RYR2: variants seen among roughly 807,000 people sequenced by gnomAD.
RYR2 encodes the protein ryanodine receptor 2, also known as cardiac muscle ryanodine receptor-calcium release channel.
Under a neutral mutation model 601.1 loss-of-function variants are expected in RYR2, and 227 were observed. That is an observed-to-expected ratio of 0.38 (90% CI 0.34 to 0.42). RYR2 has a LOEUF of 0.42. Among genes scored for constraint, RYR2 ranks in the 10% least tolerant of loss-of-function variants. The pLI, the probability that RYR2 is intolerant of heterozygous loss-of-function variation, is 1.00. For missense variants in RYR2, 4,646 were observed against 6,156.5 expected (o/e 0.75, Z 8.21); for synonymous variants, 2,223 against 2,175.1 (o/e 1.02, Z -0.61).
chr1:237,485,442 T>C (rs890257581), intron 17 of RYR2, among the ~76,000 whole-genome samples: 2 of 152,108 alleles, frequency 1.3e-5, no homozygotes, highest in Non-Finnish European at 2.9e-5. Context: ...GGGATTGAAA[T>C]GAGAATTTTA....
chr1:237,353,678 T>A (rs931050274), intron 3 of RYR2, among the ~76,000 whole-genome samples: 1 of 152,078 alleles, frequency 6.6e-6, no homozygotes. Flanking sequence ...TTAAGGGAAA[T>A]TTTGTTTTTA....
chr1:237,615,132 G>C (rs1250326990), intron 37 of RYR2, among the ~76,000 whole-genome samples: 1 of 151,942 alleles, frequency 6.6e-6, no homozygotes, highest in Non-Finnish European at 1.5e-5. Flanking sequence ...TAGAATACTT[G>C]TTTACCAGTA....
rs535611214 is a variant in RYR2, at chr1:237,803,512, G to A, written c.14151+1596G>A. On this transcript the variant is annotated intron_variant, in intron 98 of 104. Transcript: ENST00000366574. ...AGACGGGGTTTCACCATGTTAGCCA[G>A]GATGGTCTCGATCTCCTGACCTCGT... is the stretch of plus-strand genomic sequence containing the variant. Among the ~76,000 whole-genome samples, 38 of 152,182 alleles carry A rather than the reference G, an allele frequency of 2.5e-4. No individual in the cohort carries two copies. The East Asian group carries it at 4.5e-3, about 18-fold the overall frequency.
Position 237,779,517 on chromosome 1 carries a change from G to C in RYR2, c.11880+747G>C, listed in dbSNP as rs140183281. Among the ~76,000 whole-genome samples the C allele has an allele frequency of 5.3e-5, 8 of 152,326 alleles. No individual in the cohort carries two copies. In the East Asian group the frequency reaches 7.7e-4, roughly 15 times the overall value. On this transcript the variant is annotated intron_variant, in intron 88 of 104. Transcript: ENST00000366574. ...ATGTCAGATTAAAAGACAGAATGCT[G>C]TCATTCTAATTCCTGAGCTGCCATG... is the stretch of plus-strand genomic sequence containing the variant.
intron 65 of RYR2, among the ~76,000 whole-genome samples, chr1:237,700,770 G>GT (rs1182217502): frequency 6.6e-6 from 1 of 152,040 alleles, no homozygotes; most frequent in Non-Finnish European, 1.5e-5. Context: ...TCACATAAAC[G>GT]TTTTAATGCA....
intron 29 of RYR2, among the ~76,000 whole-genome samples, chr1:237,579,043 A>G (rs894155126): frequency 6.6e-6 from 1 of 152,146 alleles, no homozygotes; most frequent in Non-Finnish European, 1.5e-5. Flanking sequence ...AACAAAACAC[A>G]ACTAAGAAGG....
At chr1:237,406,101 A>T (rs924965143) in intron 10 of RYR2, among the ~76,000 whole-genome samples, 1 of 149,052 alleles carries the variant, frequency 6.7e-6, no homozygotes, top group African/African-American at 2.5e-5. Context: ...TCCCTCATGA[A>T]AACTTTGCAG....
rs1662153214 is a variant in RYR2 at position 237,819,130 on chromosome 1, G to A, written c.14528G>A (p.Arg4843Gln). ...GCAGGAGATGAATATGAGATCTATC[G>A]AATCATCTTTGACATCACTTTCTTC... ...DPAGDEYEIY[R>Q]IIFDITFFFF... The change falls in exon 101 of 105, where the codon CGA (arginine) becomes CAA (glutamine). Residue 4843 changes from arginine (R) to glutamine (Q), a missense_variant. Arg to Gln is a conservative substitution (Grantham distance 43). Coordinates refer to ENST00000366574, the MANE Select transcript of RYR2 (RefSeq NM_001035.3). This position sits in a 1 kb window ranked among gnomAD's most constrained non-coding sequence, Gnocchi z 4.0. 1 of 1,613,502 alleles carries A rather than the reference G, an allele frequency of 6.2e-7. No homozygotes were observed. Among genetic ancestry groups the A allele is most frequent in the Non-Finnish European group, 8.5e-7 (1 of 1,179,580 alleles).
intron 1 of RYR2, among the ~76,000 whole-genome samples, chr1:237,135,438 C>T (rs558311276): frequency 9.3e-5 from 14 of 151,286 alleles, no homozygotes; most frequent in South Asian, 2.1e-4. Flanking sequence ...GGCACGATCT[C>T]GGCTCACTGC....
chr1:237,167,269 G>C (rs1021927748), intron 1 of RYR2, among the ~76,000 whole-genome samples: 1 of 152,150 alleles, frequency 6.6e-6, no homozygotes, highest in Non-Finnish European at 1.5e-5. Context: ...TACAATCAAA[G>C]GAGTAGGCAC....
At chr1:237,317,540 C>G (rs917209379) in intron 2 of RYR2, among the ~76,000 whole-genome samples, 1 of 152,248 alleles carries the variant, frequency 6.6e-6, no homozygotes, top group South Asian at 2.1e-4. Flanking sequence ...CTATATGTTG[C>G]ATCCCTGCTA....
chr1:237,291,767 G>A (rs1393868322), intron 2 of RYR2, among the ~76,000 whole-genome samples: 1 of 152,204 alleles, frequency 6.6e-6, no homozygotes, highest in African/African-American at 2.4e-5. Context: ...ATAAGGGGCA[G>A]GGAGGGATGA....
intron 80 of RYR2, among the ~76,000 whole-genome samples, chr1:237,752,696 A>G (rs1558343786): frequency 6.6e-6 from 1 of 151,970 alleles, no homozygotes; most frequent in Non-Finnish European, 1.5e-5. Context: ...TATTAGTACA[A>G]TTTCACTCCC....
At chr1:237,340,319 C>G (rs969981049) in intron 3 of RYR2, among the ~76,000 whole-genome samples, 5 of 152,196 alleles carry the variant, frequency 3.3e-5, no homozygotes, top group African/African-American at 1.2e-4. Context: ...TGCTTTTGTG[C>G]ATTCTGGAGC....
chr1:237,088,006 C>T (rs10925311), intron 1 of RYR2, among the ~76,000 whole-genome samples: 2,766 of 152,304 alleles, frequency 0.018, 83 homozygotes, highest in African/African-American at 0.063. Flanking sequence ...GAACTATGTC[C>T]TGTACCTTTG....
rs199521143 is a variant in RYR2 at position 237,180,622 on chromosome 1, A to G, written c.49-89875A>G. ...AGTATATATATGTATATATGTATAT[A>G]TGTATATGTGTATATATGTATATGT... On this transcript the variant is annotated intron_variant, in intron 1 of 104. Transcript: ENST00000366574. The surrounding 1 kb of genome is among the most constrained non-coding windows in gnomAD (Gnocchi z 5.3). Among the ~76,000 whole-genome samples, 3,790 of 12,594 alleles carry G rather than the reference A, an allele frequency of 0.3. 82 individuals carry two copies. Among genetic ancestry groups the G allele is most frequent in the South Asian group, 0.38 (89 of 234 alleles). 8.3% of individuals were successfully genotyped at this position (12,594 alleles called of 152,430 possible).
intron 2 of RYR2, among the ~76,000 whole-genome samples, chr1:237,284,095 C>A (rs1175934533): frequency 2.0e-5 from 3 of 152,064 alleles, no homozygotes; most frequent in African/African-American, 2.4e-5. Context: ...TAATAGTCTC[C>A]AATCTGGCCA....
At chr1:237,623,902 A>G (rs758489519) in intron 39 of RYR2, 32 bp downstream of exon 39, 8 of 1,400,594 alleles carry the variant, frequency 5.7e-6, no homozygotes, top group Non-Finnish European at 8.1e-6. Context: ...GCTTTTATTA[A>G]TTGTATGTTT....
At chr1:237,054,764 T>TA (rs1267668868) in intron 1 of RYR2, among the ~76,000 whole-genome samples, 3 of 152,190 alleles carry the variant, frequency 2.0e-5, no homozygotes, top group Non-Finnish European at 4.4e-5. Flanking sequence ...AAAGTTACCT[T>TA]CAACACCACT....
Sources: allele counts gnomAD v4.1 joint callset (sites outside exome capture counted in the v4.1 genomes callset), GRCh38; gene constraint gnomAD v4.1.1; non-coding constraint Gnocchi (gnomAD v3.1); transcripts MANE v1.5; gene names NCBI Gene and HGNC (gene_info 2026-07-23, HGNC 2026-07-21).